The following PLXDC2 variants were observed in gnomAD, a reference collection of about 807,000 sequenced individuals.
PLXDC2 encodes the protein plexin domain-containing protein 2.
PLXDC2 carries 40 observed loss-of-function variants against 68.9 expected under a neutral mutation model. The observed-to-expected ratio is 0.58, with a 90% confidence interval of 0.45 to 0.76. The LOEUF is 0.76. PLXDC2 is among the 30% of genes least tolerant of loss of function. The pLI, the probability that PLXDC2 is intolerant of heterozygous loss-of-function variation, is 0.00. For missense variants in PLXDC2, 644 were observed against 661.9 expected (o/e 0.97, Z 0.30); for synonymous variants, 243 against 234.2 (o/e 1.04, Z -0.34).
intron 5 of PLXDC2, among the ~76,000 whole-genome samples, chr10:20,145,024 T>C (rs1834054214): frequency 6.6e-6 from 1 of 152,206 alleles, no homozygotes; most frequent in Non-Finnish European, 1.5e-5. Flanking sequence ...ACAAGGACTG[T>C]GGCTATAAGA....
chr10:20,241,071 G>A (rs1835509629), intron 12 of PLXDC2, among the ~76,000 whole-genome samples: 1 of 152,112 alleles, frequency 6.6e-6, no homozygotes, highest in African/African-American at 2.4e-5. Flanking sequence ...ACTAGACTCT[G>A]TACAAATTGT....
intron 2 of PLXDC2, among the ~76,000 whole-genome samples, chr10:20,032,434 G>A (rs1396155088): frequency 3.9e-5 from 6 of 152,036 alleles, no homozygotes; most frequent in Non-Finnish European, 8.8e-5. Flanking sequence ...TTTGAACAGG[G>A]GCATGATATG....
chr10:20,245,552 G>C, intron 13 of PLXDC2, 47 bp downstream of exon 13: 2 of 1,550,856 alleles, frequency 1.3e-6, no homozygotes, highest in Non-Finnish European at 1.8e-6. Context: ...TTGATGAACT[G>C]TATCCGTTTG....
intron 9 of PLXDC2, among the ~76,000 whole-genome samples, chr10:20,208,519 C>A (rs1399862963): frequency 1.3e-5 from 2 of 152,026 alleles, no homozygotes; most frequent in African/African-American, 4.8e-5. Context: ...GGGACACAGC[C>A]AAAGTATATC....
chr10:19,892,081 AG>A (rs1837972817), intron 1 of PLXDC2, among the ~76,000 whole-genome samples: 1 of 152,214 alleles, frequency 6.6e-6, no homozygotes, highest in South Asian at 2.1e-4. Context: ...GAAATAGTCA[AG>A]TTACATTAAT....
At chr10:19,856,860 C>G (rs1159857744) in intron 1 of PLXDC2, among the ~76,000 whole-genome samples, 2 of 152,152 alleles carry the variant, frequency 1.3e-5, no homozygotes, top group African/African-American at 4.8e-5. Flanking sequence ...ATACATCATA[C>G]CGTGGTTACA....
intron 4 of PLXDC2, among the ~76,000 whole-genome samples, chr10:20,122,843 G>A (rs530248832): frequency 4.0e-4 from 61 of 152,234 alleles, no homozygotes; most frequent in African/African-American, 1.3e-3. Flanking sequence ...ATTTAGTGTC[G>A]GGAGCAGATT....
chr10:19,951,965 G>T (rs1833999057), intron 1 of PLXDC2, among the ~76,000 whole-genome samples: 1 of 151,904 alleles, frequency 6.6e-6, no homozygotes, highest in African/African-American at 2.4e-5. Context: ...CGGACATAAA[G>T]ATGGCAACAG....
intron 4 of PLXDC2, among the ~76,000 whole-genome samples, chr10:20,114,770 TATCTGGAGCACAGGATAC>T (rs1442621996): frequency 1.3e-5 from 2 of 152,128 alleles, no homozygotes; most frequent in African/African-American, 4.8e-5. Flanking sequence ...GAACTGTGAG[TATCTGGAGCACAGGATAC>T]ATCTGGAGGG....
intron 1 of PLXDC2, among the ~76,000 whole-genome samples, chr10:19,910,731 C>G (rs1314878883): frequency 3.3e-5 from 5 of 151,614 alleles, no homozygotes. Flanking sequence ...CTAGTTCAGG[C>G]CGGGTGCAGT....
chr10:20,034,209 C>A (rs1213741041), intron 2 of PLXDC2, among the ~76,000 whole-genome samples: 1 of 152,122 alleles, frequency 6.6e-6, no homozygotes, highest in African/African-American at 2.4e-5. Context: ...AAAATGCAAT[C>A]CCAGAATTTC....
In PLXDC2 at chr10:20,155,826, G is replaced by C. The variant is rs938457012; in HGVS notation, c.783+7924G>C. 7.2e-5 allele frequency among the ~76,000 whole-genome samples: 11 copies of C among 152,118 alleles called. No homozygotes were observed. The East Asian group carries it at 2.1e-3, about 29-fold the overall frequency. ...CTGTGTGTAAAAATAAATAAATAAAGTAGCCAGGTAGAAAGATCAATGTCC... is the reference window on the plus strand; with the variant it reads ...CTGTGTGTAAAAATAAATAAATAAACTAGCCAGGTAGAAAGATCAATGTCC... On this transcript the variant is annotated intron_variant, in intron 6 of 13. Transcript: ENST00000377252.
At chr10:20,174,319 AT>A (rs142741596) in intron 7 of PLXDC2, among the ~76,000 whole-genome samples, 34,571 of 151,872 alleles carry the variant, frequency 0.23, 4,894 homozygotes, top group East Asian at 0.49. Context: ...TAAAAAAAAA[AT>A]GATGTGATTT....
At chr10:20,030,248 T>G (rs1835477806) in intron 2 of PLXDC2, among the ~76,000 whole-genome samples, 1 of 152,094 alleles carries the variant, frequency 6.6e-6, no homozygotes, top group Admixed American at 6.6e-5. Context: ...TGGATGGCAT[T>G]GTATTATACA....
chr10:20,093,031 G>A (rs1299454781), intron 4 of PLXDC2, among the ~76,000 whole-genome samples: 3 of 152,130 alleles, frequency 2.0e-5, no homozygotes, highest in African/African-American at 4.8e-5. Flanking sequence ...AATGCATGTT[G>A]TTTTAAGCCA....
At chr10:20,022,811 T>A (rs1158163824) in intron 2 of PLXDC2, among the ~76,000 whole-genome samples, 1 of 152,058 alleles carries the variant, frequency 6.6e-6, no homozygotes, top group South Asian at 2.1e-4. Flanking sequence ...GATGAGGGAG[T>A]TGTGAATTTG....
At position 20,248,605 on chromosome 10, in the gene PLXDC2, C is replaced by A. The variant is rs113440623; in HGVS notation, c.1473+3100C>A. Among the ~76,000 whole-genome samples, 1,289 of 152,280 alleles carry A rather than the reference C, an allele frequency of 8.5e-3. 9 individuals carry two copies. The highest frequency in any genetic ancestry group is 0.029 in the African/African-American group (1,222 of 41,564). ...AGAGTCTGCTTAAATCACTACCTAT[C>A]TGACATGCTGCTGGGGTCATGCGGC... is the stretch of plus-strand genomic sequence containing the variant. On this transcript the variant is annotated intron_variant, in intron 13 of 13. Coordinates refer to ENST00000377252, the MANE Select transcript of PLXDC2 (RefSeq NM_032812.9).
intron 4 of PLXDC2, among the ~76,000 whole-genome samples, chr10:20,140,405 A>AAATATC (rs201306989): frequency 7.2e-4 from 9 of 12,534 alleles, no homozygotes; most frequent in Non-Finnish European, 1.5e-3. Flanking sequence ...TATATATAAA[A>AAATATC]TATCTATCTA....
intron 5 of PLXDC2, among the ~76,000 whole-genome samples, chr10:20,146,156 G>A (rs1834074468): frequency 1.3e-5 from 2 of 152,128 alleles, no homozygotes; most frequent in South Asian, 4.1e-4. Flanking sequence ...CATCACCAGA[G>A]TGCGATAGAA....
Sources: allele counts gnomAD v4.1 joint callset (sites outside exome capture counted in the v4.1 genomes callset), GRCh38; gene constraint gnomAD v4.1.1; transcripts MANE v1.5; gene names NCBI Gene and HGNC (gene_info 2026-07-23, HGNC 2026-07-21).